HOXB3: variants seen among roughly 807,000 people sequenced by gnomAD.
The protein encoded by HOXB3 is homeobox protein Hox-B3.
A neutral mutation model predicts 29.2 loss-of-function variants in HOXB3; 17 were observed. The observed-to-expected ratio is 0.58, with a 90% CI of 0.40 to 0.87. The LOEUF is 0.87. Ranked by LOEUF, HOXB3 falls within the 40% of genes least tolerant of loss-of-function variation. HOXB3 has a pLI of 0.00. For synonymous variants in HOXB3, 317 were observed against 285.9 expected, an observed-to-expected ratio of 1.11 and a Z score of -1.10; for missense variants, 637 against 616.3, an observed-to-expected ratio of 1.03 and a Z score of -0.35.
rs1215869218 is a variant in HOXB3, at chr17:48,552,075, T to C, written c.400A>G (p.Lys134Glu). Reference sequence around the variant, plus strand: ...AGCTTGGACGTTTGCCTCGACTCTTTCATCCAGGGGAATATCTGTTTGGTG... The same window carrying C: ...AGCTTGGACGTTTGCCTCGACTCTTCCATCCAGGGGAATATCTGTTTGGTG... ...TLTKQIFPWM[K>E]ESRQTSKLKN... is the part of the protein sequence containing the mutation. Residue 134 changes from lysine to glutamate, a missense_variant, in exon 4 of 5, where the codon AAA becomes GAA. By Grantham distance (56) the Lys-to-Glu change is moderately conservative. Coordinates refer to ENST00000498678, the MANE Select transcript of HOXB3 (RefSeq NM_001384749.1). 4 of 1,605,628 alleles carry C rather than the reference T, an allele frequency of 2.5e-6. No individual in the cohort carries two copies. The Admixed American group carries it at 5.0e-5, about 20-fold the overall frequency.
chr17:48,555,569 T>A lies in HOXB3; in HGVS notation c.-197A>T. The A allele has an allele frequency of 1.4e-6, 1 of 702,654 alleles. No homozygotes were observed. 43.5% of individuals were successfully genotyped at this position (702,654 alleles called of 1,614,324 possible). A position where few individuals can be genotyped will look rare whatever the true frequency, so the allele number is the denominator to read the frequency against. On this transcript the variant is annotated 5_prime_UTR_variant, in exon 3 of 5. Transcript: ENST00000498678. ...GAGGGGAGAACAGGCAGACATAATA[T>A]ATATTCACATCGAGCCCCAGAGCGA...
At chr17:48,555,662 G>GCCCCCC in intron 2 of HOXB3, 44 bp from the exon 3 acceptor site, 8 of 693,264 alleles carry the variant, frequency 1.2e-5, no homozygotes, top group East Asian at 5.4e-5. Flanking sequence ...AAGCTGCGTC[G>GCCCCCC]CCCCCCGCCC....
chr17:48,555,700 C>G (rs536713792), intron 2 of HOXB3, 82 bp from the exon 3 acceptor site: 31 of 686,962 alleles, frequency 4.5e-5, no homozygotes, highest in African/African-American at 4.4e-4. Flanking sequence ...AAAGCCACCC[C>G]GGCTGGGGAG....
Position 48,551,163 on chromosome 17 carries a change from C to G in HOXB3, c.467G>C (p.Gly156Ala). 1 of 1,304,994 alleles carries G rather than the reference C, an allele frequency of 7.7e-7. No individual in the cohort carries two copies. The highest frequency in any genetic ancestry group is 1.5e-5 in the African/African-American group (1 of 65,224). The allele number at this position is 1,304,994 out of a possible 1,614,324, so 80.8% of individuals were successfully genotyped here. Residue 156 changes from glycine (G) to alanine (A), a missense_variant, in exon 5 of 5, where the codon GGC (glycine) becomes GCC (alanine). Gly to Ala is a moderately conservative substitution (Grantham distance 60, BLOSUM62 0). Transcript: ENST00000498678. ...GCCTCCGCCGCCGCCGCCACCGCCG[C>G]CGCCACCACAGCCCTCTGCTGGATC... is the stretch of plus-strand genomic sequence containing the variant. ...SPGTAEGCGG[G>A]GGGGGGGGSG...
intron 2 of HOXB3, among the ~76,000 whole-genome samples, chr17:48,569,392 A>C (rs1206367183): frequency 6.6e-6 from 1 of 151,406 alleles, no homozygotes; most frequent in Non-Finnish European, 1.5e-5. Flanking sequence ...GCAGCTCCCT[A>C]ACCCCCATGG....
chr17:48,567,505 G>C (rs1449892487), intron 2 of HOXB3, among the ~76,000 whole-genome samples: 1 of 152,142 alleles, frequency 6.6e-6, no homozygotes, highest in Non-Finnish European at 1.5e-5. Context: ...GCACAGTGCA[G>C]AACATTCCCC....
chr17:48,568,893 A>G lies in HOXB3; in HGVS notation c.-247+4944T>C, dbSNP rs561312920. ...AGATGGCTATTTGTCACATTTTACGACAATAACATTAATAACAAACAATAA... is the reference window on the plus strand; with the variant it reads ...AGATGGCTATTTGTCACATTTTACGGCAATAACATTAATAACAAACAATAA... On this transcript the variant is annotated intron_variant, in intron 2 of 4. Transcript: ENST00000498678. 6.6e-5 allele frequency among the ~76,000 whole-genome samples: 10 copies of G among 152,336 alleles called. No individual in the cohort carries two copies. In the South Asian group the frequency reaches 2.1e-3, roughly 32 times the overall value.
intron 3 of HOXB3, among the ~76,000 whole-genome samples, chr17:48,555,085 G>T (rs1389069585): frequency 6.6e-6 from 1 of 151,836 alleles, no homozygotes; most frequent in African/African-American, 2.4e-5. Flanking sequence ...ACCCCACCTT[G>T]CCAAGCACAC....
chr17:48,589,175 G>T (rs909689630), intron 1 of HOXB3, among the ~76,000 whole-genome samples: 1 of 152,174 alleles, frequency 6.6e-6, no homozygotes, highest in African/African-American at 2.4e-5. Flanking sequence ...AGGGGACTTT[G>T]AGGGTGTGCC....
rs183471948 is a variant in HOXB3, at chr17:48,573,962, C to T, written c.-372G>A. On this transcript the variant is annotated 5_prime_UTR_variant, in exon 2 of 5. Transcript: ENST00000498678. ...CCAAATTTTTTCCCCCTTGCAGATC[C>T]GGGAGAGACGGCTAACACTTTTTTC... The T allele has an allele frequency of 5.8e-5, 40 of 687,004 alleles. No homozygotes were observed. The highest frequency in any genetic ancestry group is 4.7e-4 in the Admixed American group (22 of 46,642). 42.6% of individuals were successfully genotyped at this position (687,004 alleles called of 1,614,324 possible).
chr17:48,555,508 T>C, intron 3 of HOXB3, 23 bp downstream of exon 3: 2 of 702,620 alleles, frequency 2.8e-6, no homozygotes, highest in Non-Finnish European at 5.2e-6. Flanking sequence ...CACAAACTGA[T>C]AGCCTATTTC....
chr17:48,584,600 T>A (rs931032935), intron 1 of HOXB3, among the ~76,000 whole-genome samples: 1 of 152,174 alleles, frequency 6.6e-6, no homozygotes. Context: ...GTAATTTAAT[T>A]GAATTTCTAA....
intron 4 of HOXB3, 93 bp from the exon 5 acceptor site, chr17:48,551,274 A>C: frequency 1.7e-6 from 2 of 1,204,594 alleles, no homozygotes; most frequent in Non-Finnish European, 2.1e-6. Flanking sequence ...TTCTTAATAA[A>C]TCCAGGCCTG....
chr17:48,551,452 G>A (rs778709684), intron 4 of HOXB3, among the ~76,000 whole-genome samples: 5 of 152,204 alleles, frequency 3.3e-5, no homozygotes, highest in Non-Finnish European at 1.5e-5. Flanking sequence ...CACGCAGACA[G>A]AGCCGCATGG....
At chr17:48,558,571 G>A (rs1451791549) in intron 2 of HOXB3, among the ~76,000 whole-genome samples, 1 of 152,180 alleles carries the variant, frequency 6.6e-6, no homozygotes, top group Non-Finnish European at 1.5e-5. Flanking sequence ...TCTCTGGCGA[G>A]CAGGCGGGCT....
chr17:48,586,904 A>G (rs2070058248), intron 1 of HOXB3, among the ~76,000 whole-genome samples: 1 of 152,166 alleles, frequency 6.6e-6, no homozygotes, highest in East Asian at 1.9e-4. Flanking sequence ...TAACCCCTCT[A>G]GAAAGGATGC....
chr17:48,570,842 T>G (rs1286889429), intron 2 of HOXB3, among the ~76,000 whole-genome samples: 1 of 152,122 alleles, frequency 6.6e-6, no homozygotes, highest in Non-Finnish European at 1.5e-5. Flanking sequence ...TGGGCCCTGC[T>G]CCCGGCTCCA....
At chr17:48,551,363 C>T (rs565957975) in intron 4 of HOXB3, 182 bp from the exon 5 acceptor site, 45 of 588,880 alleles carry the variant, frequency 7.6e-5, no homozygotes, top group African/African-American at 7.4e-4. Flanking sequence ...GTCGCATTAG[C>T]GGACACTCTA....
intron 1 of HOXB3, chr17:48,577,908 C>T: frequency 7.3e-7 from 1 of 1,377,614 alleles, no homozygotes; most frequent in African/African-American, 1.5e-5. Context: ...ACGACGGGCT[C>T]TTTGCACGCG....
Sources: gnomAD v4.1 joint callset for allele counts (sites outside exome capture counted in the v4.1 genomes callset) on GRCh38, gnomAD v4.1.1 for gene constraint, MANE v1.5 for transcripts, NCBI Gene and HGNC (gene_info 2026-07-23, HGNC 2026-07-21) for gene names.